Variants in PDZD2 observed in about 807,000 individuals in gnomAD.
The protein encoded by PDZD2 is PDZ domain containing 2, also known as PDZ domain-containing protein 2.
A neutral mutation model predicts 220.7 loss-of-function variants in PDZD2; 90 were observed. That is an observed-to-expected ratio of 0.41 (90% CI 0.34 to 0.49). PDZD2 has a LOEUF of 0.49. Ranked by LOEUF, PDZD2 falls within the 20% of genes least tolerant of loss-of-function variation. The pLI, the probability that PDZD2 is intolerant of heterozygous loss-of-function variation, is 0.28. For missense variants in PDZD2, 3,174 were observed against 3,608.5 expected (o/e 0.88, Z 3.08); for synonymous variants, 1,375 against 1,450.5 (o/e 0.95, Z 1.18).
chr5:32,066,580 C>T (rs1340054935), intron 14 of PDZD2, among the ~76,000 whole-genome samples: 1 of 152,244 alleles, frequency 6.6e-6, no homozygotes, highest in Non-Finnish European at 1.5e-5. Flanking sequence ...CTACCACCCA[C>T]ATCACCTCCT....
At chr5:31,959,401 C>T (rs1748015615) in intron 2 of PDZD2, among the ~76,000 whole-genome samples, 2 of 151,852 alleles carry the variant, frequency 1.3e-5, no homozygotes, top group African/African-American at 4.8e-5. Context: ...CTCTGTTGTC[C>T]AGGCTGGAGT....
intron 4 of PDZD2, among the ~76,000 whole-genome samples, chr5:31,999,387 C>T (rs575544996): frequency 4.0e-4 from 61 of 151,834 alleles, no homozygotes; most frequent in Non-Finnish European, 8.2e-4. Context: ...GTGGCACGCA[C>T]TTGTAGTCCT....
At chr5:31,660,514 A>G (rs927020179) in intron 1 of PDZD2, among the ~76,000 whole-genome samples, 5 of 152,122 alleles carry the variant, frequency 3.3e-5, no homozygotes, top group Admixed American at 1.3e-4. Context: ...AGGGGAAGCA[A>G]ACATGTCCTT....
At chr5:32,057,573 T>C (rs1206504374) in intron 10 of PDZD2, 82 bp from the exon 11 acceptor site, 15 of 790,294 alleles carry the variant, frequency 1.9e-5, no homozygotes, top group Non-Finnish European at 4.4e-6. Flanking sequence ...CCATATGGTA[T>C]CCCAAAATAA....
chr5:31,736,454 C>T (rs998773414), intron 1 of PDZD2, among the ~76,000 whole-genome samples: 1 of 152,204 alleles, frequency 6.6e-6, no homozygotes, highest in African/African-American at 2.4e-5. Flanking sequence ...TATCATTCTA[C>T]CTTCTTGACC....
intron 1 of PDZD2, among the ~76,000 whole-genome samples, chr5:31,716,658 C>T (rs1748464670): frequency 6.6e-6 from 1 of 152,054 alleles, no homozygotes; most frequent in Non-Finnish European, 1.5e-5. Context: ...CAAAAATTAG[C>T]CGGGTGTGGT....
intron 1 of PDZD2, among the ~76,000 whole-genome samples, chr5:31,649,067 G>A (rs1266099655): frequency 6.6e-6 from 1 of 151,908 alleles, no homozygotes; most frequent in South Asian, 2.1e-4. Context: ...TTTAAGAGAT[G>A]GGGTCTCACT....
At chr5:31,689,353 ATT>A (rs1160111594) in intron 1 of PDZD2, among the ~76,000 whole-genome samples, 24 of 35,126 alleles carry the variant, frequency 6.8e-4, no homozygotes, top group African/African-American at 3.1e-3. Flanking sequence ...ATATATATAT[ATT>A]TTTTTTTTTT....
At chr5:31,725,338 CAAAAA>C (rs1215709111) in intron 1 of PDZD2, among the ~76,000 whole-genome samples, 1 of 67,366 alleles carries the variant, frequency 1.5e-5, no homozygotes. Context: ...AACTCCATCT[CAAAAA>C]AAAAAAAAAA....
intron 1 of PDZD2, among the ~76,000 whole-genome samples, chr5:31,674,662 C>T (rs189578829): frequency 2.6e-5 from 4 of 152,084 alleles, no homozygotes; most frequent in Non-Finnish European, 4.4e-5. Flanking sequence ...TGAATCTGGG[C>T]GACTGAGAGT....
At chr5:31,690,525 C>T (rs1035156087) in intron 1 of PDZD2, among the ~76,000 whole-genome samples, 1 of 152,290 alleles carries the variant, frequency 6.6e-6, no homozygotes, top group Non-Finnish European at 1.5e-5. Context: ...AGCAGAGACA[C>T]GCTGCTTTTG....
intron 2 of PDZD2, among the ~76,000 whole-genome samples, chr5:31,970,195 C>T (rs563953382): frequency 6.6e-6 from 1 of 151,966 alleles, no homozygotes; most frequent in East Asian, 1.9e-4. Flanking sequence ...GCGCCCGGCC[C>T]GACTAAATAG....
At chr5:31,770,892 T>C (rs1186992526) in intron 1 of PDZD2, among the ~76,000 whole-genome samples, 1 of 152,202 alleles carries the variant, frequency 6.6e-6, no homozygotes, top group East Asian at 1.9e-4. Context: ...ACTTTTTTTT[T>C]CCCTTCTATT....
At chr5:31,740,304 A>G (rs1750168375) in intron 1 of PDZD2, among the ~76,000 whole-genome samples, 1 of 151,760 alleles carries the variant, frequency 6.6e-6, no homozygotes, top group South Asian at 2.1e-4. Context: ...GCAGATCACA[A>G]GGTTAGGAGA....
chr5:32,077,163 C>A (rs1741376315), intron 18 of PDZD2, among the ~76,000 whole-genome samples: 1 of 152,132 alleles, frequency 6.6e-6, no homozygotes, highest in Admixed American at 6.5e-5. Context: ...ATCTGTCTAG[C>A]CTTATATGTG....
intron 2 of PDZD2, among the ~76,000 whole-genome samples, chr5:31,978,053 T>C (rs1329682530): frequency 1.3e-5 from 2 of 152,212 alleles, no homozygotes; most frequent in East Asian, 1.9e-4. Flanking sequence ...CTGTGGTCTT[T>C]CCATTTGTCT....
intron 2 of PDZD2, among the ~76,000 whole-genome samples, chr5:31,837,361 C>A (rs1580857737): frequency 6.6e-6 from 1 of 152,168 alleles, no homozygotes; most frequent in Non-Finnish European, 1.5e-5. Flanking sequence ...CTTGCTGGAG[C>A]CTTCTTGCCA....
intron 1 of PDZD2, among the ~76,000 whole-genome samples, chr5:31,647,765 T>C (rs1745187504): frequency 6.6e-6 from 1 of 152,200 alleles, no homozygotes. Flanking sequence ...TTTGCAGGTT[T>C]TGGGATGTGG....
At chr5:31,850,698 G>A (rs933414476) in intron 2 of PDZD2, among the ~76,000 whole-genome samples, 22 of 147,252 alleles carry the variant, frequency 1.5e-4, no homozygotes, top group African/African-American at 5.0e-5. Context: ...GTACAGTGGC[G>A]CCATCTCGTC....
Sources: gnomAD v4.1 joint callset for allele counts (sites outside exome capture counted in the v4.1 genomes callset) on GRCh38, gnomAD v4.1.1 for gene constraint, MANE v1.5 for transcripts, NCBI Gene and HGNC (gene_info 2026-07-23, HGNC 2026-07-21) for gene names.